The following CHCHD6 variants were observed in gnomAD, a reference collection of about 807,000 sequenced individuals.
CHCHD6 encodes coiled-coil-helix-coiled-coil-helix domain containing 6.
Under a neutral mutation model 32.3 loss-of-function variants are expected in CHCHD6, and 28 were observed. The ratio of observed to expected loss-of-function variants is 0.87; its 90% confidence interval spans 0.64 to 1.19. The LOEUF (loss-of-function observed/expected upper bound fraction) is 1.19. Among genes scored for constraint, CHCHD6 ranks in the 50% most tolerant of loss-of-function variants. CHCHD6 has a pLI of 0.00. For missense variants in CHCHD6, 333 were observed against 307.0 expected, an observed-to-expected ratio of 1.08 and a Z score of -0.63; for synonymous variants, 122 against 117.5, an observed-to-expected ratio of 1.04 and a Z score of -0.25.
chr3:126,874,626 C>G (rs140301159), intron 5 of CHCHD6, among the ~76,000 whole-genome samples: 26 of 152,306 alleles, frequency 1.7e-4, no homozygotes, highest in African/African-American at 6.3e-4. Flanking sequence ...CTTCCTCTCC[C>G]TTTCCTTGTA....
intron 4 of CHCHD6, among the ~76,000 whole-genome samples, chr3:126,799,536 T>C (rs1222088281): frequency 6.6e-6 from 1 of 152,142 alleles, no homozygotes; most frequent in African/African-American, 2.4e-5. Flanking sequence ...GCCATCCAGG[T>C]GGTCTTTGTG....
chr3:126,712,467 A>T (rs1232407602), intron 1 of CHCHD6, among the ~76,000 whole-genome samples: 1 of 152,208 alleles, frequency 6.6e-6, no homozygotes, highest in African/African-American at 2.4e-5. Context: ...ATAAAATAAT[A>T]TAAATGTAAG....
intron 5 of CHCHD6, among the ~76,000 whole-genome samples, 196 bp downstream of exon 5, chr3:126,852,926 T>C (rs1559881601): frequency 6.6e-6 from 1 of 152,196 alleles, no homozygotes; most frequent in Non-Finnish European, 1.5e-5. Flanking sequence ...GTTGCATTCA[T>C]GGAGATAATT....
At chr3:126,823,129 C>G (rs1019291142) in intron 4 of CHCHD6, among the ~76,000 whole-genome samples, 1 of 150,548 alleles carries the variant, frequency 6.6e-6, no homozygotes, top group African/African-American at 2.5e-5. Flanking sequence ...GTTGCCCAGG[C>G]TGGTCTCAGA....
In CHCHD6 at chr3:126,733,033, G is replaced by A. The variant is rs201955905; in HGVS notation, c.267-45G>A. 2,739 of 1,605,474 alleles carry A rather than the reference G, an allele frequency of 1.7e-3. 3 individuals carry two copies. The highest frequency in any genetic ancestry group is 2.3e-3 in the Non-Finnish European group (2,645 of 1,173,312). On this transcript the variant is annotated intron_variant, in intron 3 of 7. Coordinates refer to ENST00000290913, the MANE Select transcript of CHCHD6 (RefSeq NM_032343.3). The stretch of plus-strand genomic sequence containing the variant: ...ATCTTGTCTTGGCTATGGGCTGCCC[G>A]TCATGCCATCCACATCTGTTTCTCC...
At chr3:126,746,083 T>TA (rs998607245) in intron 4 of CHCHD6, among the ~76,000 whole-genome samples, 1 of 152,056 alleles carries the variant, frequency 6.6e-6, no homozygotes, top group African/African-American at 2.4e-5. Context: ...GGCTTAGGGG[T>TA]ATTGCTGAGG....
intron 5 of CHCHD6, among the ~76,000 whole-genome samples, chr3:126,904,209 CCCT>C (rs1253498391): frequency 1.3e-5 from 2 of 152,152 alleles, no homozygotes; most frequent in East Asian, 3.8e-4. Context: ...CCTGGTTAGC[CCCT>C]CCTCTTACAA....
At chr3:126,947,663 C>G (rs2078658733) in intron 6 of CHCHD6, among the ~76,000 whole-genome samples, 1 of 152,166 alleles carries the variant, frequency 6.6e-6, no homozygotes, top group Non-Finnish European at 1.5e-5. Context: ...ACCTAGAACA[C>G]AGGAAGCCCT....
At chr3:126,893,949 G>T (rs2077801417) in intron 5 of CHCHD6, among the ~76,000 whole-genome samples, 1 of 152,238 alleles carries the variant, frequency 6.6e-6, no homozygotes, top group Non-Finnish European at 1.5e-5. Context: ...CTTTGAGATG[G>T]CCCTGCCCTT....
intron 5 of CHCHD6, among the ~76,000 whole-genome samples, chr3:126,878,616 G>T (rs890407601): frequency 5.9e-5 from 9 of 152,234 alleles, no homozygotes; most frequent in African/African-American, 2.2e-4. Context: ...CTTTACAAAA[G>T]AATGCCAACT....
chr3:126,734,859 G>A lies in CHCHD6; in HGVS notation c.411+1637G>A, dbSNP rs550189589. 3.9e-5 allele frequency among the ~76,000 whole-genome samples: 6 copies of A among 152,286 alleles called. No homozygotes were observed. The South Asian group carries it at 1.0e-3, about 26-fold the overall frequency. On this transcript the variant is annotated intron_variant, in intron 4 of 7. Transcript: ENST00000290913. Reference sequence around the variant, plus strand: ...AGCTGGATTTTAGAAGGCCTTGGATGTGCTGAGGAGTTAACCCTCAAAGTA... The same window carrying A: ...AGCTGGATTTTAGAAGGCCTTGGATATGCTGAGGAGTTAACCCTCAAAGTA...
At chr3:126,902,181 C>A (rs986616852) in intron 5 of CHCHD6, among the ~76,000 whole-genome samples, 1 of 152,174 alleles carries the variant, frequency 6.6e-6, no homozygotes, top group African/African-American at 2.4e-5. Context: ...GACACTGATG[C>A]CTAAGGCCCA....
intron 2 of CHCHD6, among the ~76,000 whole-genome samples, chr3:126,729,174 T>G (rs1165341515): frequency 1.3e-5 from 2 of 151,950 alleles, no homozygotes; most frequent in African/African-American, 4.8e-5. Flanking sequence ...AATTAGACAA[T>G]TTAGAAAAGA....
intron 6 of CHCHD6, chr3:126,949,458 G>A (rs1420414630): frequency 9.2e-6 from 2 of 217,438 alleles, no homozygotes; most frequent in South Asian, 5.2e-5. Flanking sequence ...TGCTGTGGAC[G>A]AAAGGGAAGG....
At chr3:126,711,186 G>T (rs1934732030) in intron 1 of CHCHD6, among the ~76,000 whole-genome samples, 1 of 152,010 alleles carries the variant, frequency 6.6e-6, no homozygotes, top group South Asian at 2.1e-4. Context: ...TCATGATAGT[G>T]TCTGCTCATT....
chr3:126,794,665 G>A (rs936959611), intron 4 of CHCHD6, among the ~76,000 whole-genome samples: 4 of 151,894 alleles, frequency 2.6e-5, no homozygotes, highest in Non-Finnish European at 5.9e-5. Flanking sequence ...GGACTTCTAT[G>A]GCAAAATAAT....
chr3:126,835,976 G>T (rs959228729), intron 4 of CHCHD6, among the ~76,000 whole-genome samples: 3 of 152,234 alleles, frequency 2.0e-5, no homozygotes, highest in African/African-American at 7.2e-5. Context: ...TATTTTGTGT[G>T]CCTGTACATG....
At chr3:126,922,428 A>G (rs1344685093) in intron 6 of CHCHD6, among the ~76,000 whole-genome samples, 1 of 152,218 alleles carries the variant, frequency 6.6e-6, no homozygotes, top group East Asian at 1.9e-4. Context: ...ACATTTGCTT[A>G]CAGACACACC....
intron 4 of CHCHD6, among the ~76,000 whole-genome samples, chr3:126,756,506 A>G (rs1034395471): frequency 1.3e-5 from 2 of 152,160 alleles, no homozygotes. Flanking sequence ...TGGAATGTGT[A>G]GCTCACCAGT....
Sources: gnomAD v4.1 joint callset for allele counts (sites outside exome capture counted in the v4.1 genomes callset) on GRCh38, gnomAD v4.1.1 for gene constraint, MANE v1.5 for transcripts, NCBI Gene and HGNC (gene_info 2026-07-23, HGNC 2026-07-21) for gene names.